Variants in TTC7A observed in about 807,000 individuals in gnomAD.
TTC7A encodes the protein tetratricopeptide repeat protein 7A.
TTC7A carries 110 observed loss-of-function variants against 103.7 expected under a neutral mutation model. That is an observed-to-expected ratio of 1.06 (90% CI 0.91 to 1.24). The LOEUF (loss-of-function observed/expected upper bound fraction) is 1.24. Among genes scored for constraint, TTC7A ranks in the 50% most tolerant of loss-of-function variants. The probability of loss-of-function intolerance (pLI) is 0.00; values close to 1 mark genes in which losing one functional copy is unlikely to be tolerated. For synonymous variants in TTC7A, 521 were observed against 467.9 expected (o/e 1.11, Z -1.47); for missense variants, 1,340 against 1,116.3 (o/e 1.20, Z -2.86).
chr2:46,997,015 A>G (rs1047716866), intron 8 of TTC7A, among the ~76,000 whole-genome samples: 5 of 151,666 alleles, frequency 3.3e-5, no homozygotes, highest in African/African-American at 9.7e-5. Flanking sequence ...GTCTCCCTTT[A>G]TCGTTCAGAC....
At chr2:47,055,434 G>A (rs1683232606) in intron 18 of TTC7A, among the ~76,000 whole-genome samples, 1 of 152,326 alleles carries the variant, frequency 6.6e-6, no homozygotes, top group East Asian at 1.9e-4. Flanking sequence ...ACCCACTTGA[G>A]AGACGGGCTG....
chr2:47,074,118 TG>T lies in TTC7A; in HGVS notation c.*198del, dbSNP rs372455212. 32 of 597,964 alleles carry T rather than the reference TG, an allele frequency of 5.4e-5. No homozygotes were observed. The highest frequency in any genetic ancestry group is 4.6e-4 in the African/African-American group (25 of 53,868). The allele number at this position is 597,964 out of a possible 1,614,324, so 37.0% of individuals were successfully genotyped here. On this transcript the variant is annotated 3_prime_UTR_variant, in exon 20 of 20. Coordinates refer to ENST00000319190, the MANE Select transcript of TTC7A (RefSeq NM_020458.4). ...TTCCTGGATTTCTTTGTTGGTGCCTTGGGAAACAGTCTGACTTGAACCCTAA... is the reference window on the plus strand; with the variant it reads ...TTCCTGGATTTCTTTGTTGGTGCCTTGGAAACAGTCTGACTTGAACCCTAA...
chr2:47,045,436 C>T (rs921812354), intron 15 of TTC7A: 27 of 152,282 alleles, frequency 1.8e-4, no homozygotes, highest in Admixed American at 1.6e-3. Flanking sequence ...CAGCCATCCC[C>T]GCTGAGGTCC....
intron 18 of TTC7A, chr2:47,054,208 A>G (rs1228813431): frequency 1.0e-6 from 1 of 978,604 alleles, no homozygotes; most frequent in Admixed American, 6.2e-5. Flanking sequence ...AGCAGATCCA[A>G]AATAGCAGTG....
At chr2:47,025,243 T>A (rs1163013570) in intron 14 of TTC7A, among the ~76,000 whole-genome samples, 1 of 152,138 alleles carries the variant, frequency 6.6e-6, no homozygotes, top group East Asian at 1.9e-4. Flanking sequence ...GTGTCCCCCA[T>A]ACCAGCCTGG....
At chr2:46,979,297 T>C (rs955023246) in intron 5 of TTC7A, among the ~76,000 whole-genome samples, 8 of 152,122 alleles carry the variant, frequency 5.3e-5, no homozygotes, top group African/African-American at 1.9e-4. Context: ...AGTTATTTGG[T>C]TCCTCTGAGC....
intron 11 of TTC7A, among the ~76,000 whole-genome samples, chr2:47,013,548 A>G (rs1407855893): frequency 6.6e-6 from 1 of 152,194 alleles, no homozygotes; most frequent in African/African-American, 2.4e-5. Flanking sequence ...TGTGCCCCTC[A>G]AGGCTGCCAG....
At chr2:47,069,364 A>G (rs1167411532) in intron 19 of TTC7A, among the ~76,000 whole-genome samples, 1 of 152,186 alleles carries the variant, frequency 6.6e-6, no homozygotes, top group Non-Finnish European at 1.5e-5. Flanking sequence ...GTGTTCTTCT[A>G]CATCTCACTT....
chr2:46,959,162 G>T (rs1452468832), intron 3 of TTC7A, among the ~76,000 whole-genome samples: 4 of 152,250 alleles, frequency 2.6e-5, no homozygotes, highest in African/African-American at 9.6e-5. Context: ...AAGTGATCCA[G>T]GCCAAGCCCT....
upstream of TTC7A, among the ~76,000 whole-genome samples, chr2:46,940,903 G>T (rs1452704977): frequency 1.3e-5 from 2 of 152,124 alleles, no homozygotes; most frequent in Non-Finnish European, 2.9e-5. This position sits in a 1 kb window ranked among gnomAD's most constrained non-coding sequence, Gnocchi z 4.7. Flanking sequence ...CGGTGACGGG[G>T]CCACCACACA....
At chr2:47,006,784 G>A in intron 10 of TTC7A, 60 bp downstream of exon 10, 2 of 1,369,572 alleles carry the variant, frequency 1.5e-6, no homozygotes, top group Non-Finnish European at 2.1e-6. Flanking sequence ...TGCTGAGATG[G>A]ACAGAGGGGC....
At chr2:47,059,008 G>GTTTTTT (rs1683545267) in intron 18 of TTC7A, among the ~76,000 whole-genome samples, 1 of 94,980 alleles carries the variant, frequency 1.1e-5, no homozygotes, top group African/African-American at 6.0e-5. Context: ...TCCTAAGCCT[G>GTTTTTT]CTTTTTTTTT....
chr2:47,002,662 C>G (rs1324000987), intron 8 of TTC7A, among the ~76,000 whole-genome samples: 1 of 152,234 alleles, frequency 6.6e-6, no homozygotes, highest in East Asian at 1.9e-4. Flanking sequence ...GAGGCTAGCC[C>G]TGGCCCCTGA....
At position 46,954,499 on chromosome 2, in the gene TTC7A, T is replaced by A. The variant is rs147136443; in HGVS notation, c.349-2340T>A. Among the ~76,000 whole-genome samples, 280 of 151,778 alleles carry A rather than the reference T, an allele frequency of 1.8e-3. 2 individuals are homozygous for A. Among genetic ancestry groups the A allele is most frequent in the East Asian group, 0.013 (65 of 5,172 alleles). On this transcript the variant is annotated intron_variant, in intron 2 of 19. Coordinates refer to ENST00000319190, the MANE Select transcript of TTC7A (RefSeq NM_020458.4). The stretch of plus-strand genomic sequence containing the variant: ...AAATGATACCATCTTCTGCTCTTAC[T>A]GTGCTATAACAGAAAAACAGTTTAG...
intron 12 of TTC7A, among the ~76,000 whole-genome samples, 173 bp downstream of exon 12, chr2:47,022,152 C>T (rs969951434): frequency 1.3e-5 from 2 of 152,204 alleles, no homozygotes; most frequent in African/African-American, 4.8e-5. Flanking sequence ...TGCATACACA[C>T]ACGCGCCCCT....
intron 8 of TTC7A, among the ~76,000 whole-genome samples, chr2:46,997,041 C>T (rs1055762948): frequency 2.0e-5 from 3 of 152,014 alleles, no homozygotes; most frequent in Admixed American, 6.6e-5. Flanking sequence ...TGCAGTGGTG[C>T]GATCCTGGCT....
chr2:46,966,953 C>T (rs912666329), intron 3 of TTC7A, among the ~76,000 whole-genome samples: 3 of 151,376 alleles, frequency 2.0e-5, no homozygotes, highest in Non-Finnish European at 2.9e-5. Flanking sequence ...TGGCTCATGC[C>T]TATAATCCCA....
rs1370899880 is a variant in TTC7A, at chr2:47,075,100, C to T, written c.*1177C>T. ...AGGGCTGCCCTGGTTCATCATAGCT[C>T]CACCTTCCTCGGAAGGAGTGGGCTG... On this transcript the variant is annotated 3_prime_UTR_variant, in exon 20 of 20. Coordinates refer to ENST00000319190, the MANE Select transcript of TTC7A (RefSeq NM_020458.4). 1 of 152,222 alleles carries T rather than the reference C, an allele frequency of 6.6e-6. No homozygotes were observed. Among genetic ancestry groups the T allele is most frequent in the Non-Finnish European group, 1.5e-5 (1 of 68,064 alleles). 9.4% of individuals were successfully genotyped at this position (152,222 alleles called of 1,614,324 possible).
chr2:46,975,107 A>T lies in TTC7A; in HGVS notation c.648+4A>T. On this transcript the variant is annotated splice_donor_region_variant and intron_variant, in intron 4 of 19. Transcript: ENST00000319190. The stretch of plus-strand genomic sequence containing the variant: ...GTTCCTGCAGGAATTGGAGAAGGTG[A>T]GCTGGAAATAACACCGTGGTAGGAG... 6.2e-7 allele frequency: 1 copy of T among 1,613,336 alleles called. No individual in the cohort carries two copies. The highest frequency in any genetic ancestry group is 2.2e-5 in the East Asian group (1 of 44,856).
Sources: gnomAD v4.1 joint callset for allele counts (sites outside exome capture counted in the v4.1 genomes callset) on GRCh38, gnomAD v4.1.1 for gene constraint, Gnocchi (gnomAD v3.1) non-coding constraint, MANE v1.5 for transcripts, NCBI Gene and HGNC (gene_info 2026-07-23, HGNC 2026-07-21) for gene names.